LRP1B: variants seen among roughly 807,000 people sequenced by gnomAD.
LRP1B encodes the protein low-density lipoprotein receptor-related protein 1B.
A neutral mutation model predicts 556.6 loss-of-function variants in LRP1B; 217 were observed. That is an observed-to-expected ratio of 0.39 (90% CI 0.35 to 0.44). The LOEUF is 0.44. LRP1B is among the 20% of genes least tolerant of loss of function. The pLI, the probability that LRP1B is intolerant of heterozygous loss-of-function variation, is 1.00. For missense variants in LRP1B, 5,053 were observed against 5,620.8 expected (o/e 0.90, Z 3.23); for synonymous variants, 2,047 against 1,865.8 (o/e 1.10, Z -2.50).
At chr2:140,398,578 G>C (rs2105223504) in intron 66 of LRP1B, among the ~76,000 whole-genome samples, 1 of 152,118 alleles carries the variant, frequency 6.6e-6, no homozygotes, top group African/African-American at 2.4e-5. Context: ...CCAGGCTGGA[G>C]TGCAATGGCA....
intron 2 of LRP1B, among the ~76,000 whole-genome samples, chr2:141,544,308 T>G (rs188902662): frequency 0.012 from 116 of 9,674 alleles, no homozygotes; most frequent in African/African-American, 0.062. Context: ...CTTCTTCTTC[T>G]TCTTCTTCTT....
intron 16 of LRP1B, among the ~76,000 whole-genome samples, chr2:140,990,524 C>T (rs1697060513): frequency 6.6e-6 from 1 of 151,496 alleles, no homozygotes; most frequent in Non-Finnish European, 1.5e-5. Context: ...CACTTGTGAC[C>T]TAGAGTTGAT....
At chr2:140,895,324 C>T (rs1174575384) in intron 23 of LRP1B, among the ~76,000 whole-genome samples, 2 of 152,204 alleles carry the variant, frequency 1.3e-5, no homozygotes, top group African/African-American at 4.8e-5. Context: ...AGTGGGCTGC[C>T]GAACAAACAG....
chr2:140,322,586 G>GA (rs915023343), intron 81 of LRP1B, among the ~76,000 whole-genome samples: 1 of 151,994 alleles, frequency 6.6e-6, no homozygotes, highest in African/African-American at 2.4e-5. Flanking sequence ...AGGTATAAAT[G>GA]AAAAATACGA....
chr2:141,463,638 AT>A (rs1682033806), intron 3 of LRP1B, among the ~76,000 whole-genome samples: 2 of 120,188 alleles, frequency 1.7e-5, no homozygotes, highest in African/African-American at 6.3e-5. Context: ...ATTATTATAT[AT>A]TATATATTAT....
At chr2:141,545,864 A>G (rs1457305926) in intron 2 of LRP1B, among the ~76,000 whole-genome samples, 1 of 152,126 alleles carries the variant, frequency 6.6e-6, no homozygotes, top group East Asian at 1.9e-4. Flanking sequence ...TTTCCCCCAC[A>G]TATTCCATAA....
intron 2 of LRP1B, among the ~76,000 whole-genome samples, chr2:141,738,871 G>A (rs1693591105): frequency 6.6e-6 from 1 of 152,110 alleles, no homozygotes; most frequent in Middle Eastern, 3.4e-3. Context: ...AAAAAAGCAA[G>A]AATAAAATAT....
intron 11 of LRP1B, among the ~76,000 whole-genome samples, chr2:141,033,890 A>T (rs1317094140): frequency 6.6e-6 from 1 of 152,098 alleles, no homozygotes; most frequent in Non-Finnish European, 1.5e-5. Context: ...TGTGTTCTTG[A>T]AGCTTTATTT....
intron 84 of LRP1B, among the ~76,000 whole-genome samples, chr2:140,285,743 TAATC>T (rs959400628): frequency 1.3e-5 from 2 of 151,780 alleles, no homozygotes; most frequent in Non-Finnish European, 2.9e-5. Context: ...TCACTGTAAT[TAATC>T]AATAAAATAC....
intron 2 of LRP1B, among the ~76,000 whole-genome samples, chr2:141,716,667 AAAAT>A (rs1252169693): frequency 2.6e-5 from 4 of 152,210 alleles, no homozygotes; most frequent in Admixed American, 6.6e-5. Flanking sequence ...AAAAGCTAAA[AAAAT>A]AAATAAATCT....
chr2:140,922,798 C>G (rs917209981), intron 21 of LRP1B, among the ~76,000 whole-genome samples, 167 bp downstream of exon 21: 1 of 152,088 alleles, frequency 6.6e-6, no homozygotes, highest in African/African-American at 2.4e-5. Context: ...ATTATGCTAG[C>G]CCCATTGATA....
At chr2:142,004,916 G>C (rs1702756697) in intron 1 of LRP1B, among the ~76,000 whole-genome samples, 1 of 151,528 alleles carries the variant, frequency 6.6e-6, no homozygotes, top group South Asian at 2.1e-4. Flanking sequence ...CCTACCTACA[G>C]CTAATTGTAC....
intron 3 of LRP1B, among the ~76,000 whole-genome samples, chr2:141,334,567 T>A (rs1176843708): frequency 6.6e-6 from 1 of 152,162 alleles, no homozygotes; most frequent in Admixed American, 6.5e-5. Flanking sequence ...GAAACAGTGA[T>A]ATAGTCCAGA....
chr2:141,427,948 TA>T (rs1680429109), intron 3 of LRP1B, among the ~76,000 whole-genome samples: 1 of 152,196 alleles, frequency 6.6e-6, no homozygotes, highest in Non-Finnish European at 1.5e-5. Flanking sequence ...TTTATAAATC[TA>T]AGAGTACTTT....
intron 52 of LRP1B, among the ~76,000 whole-genome samples, chr2:140,507,627 A>G (rs1376947180): frequency 1.3e-5 from 2 of 152,204 alleles, no homozygotes; most frequent in Non-Finnish European, 2.9e-5. Context: ...TCAAAAGAAC[A>G]TAACTAGTGC....
chr2:141,628,696 T>G (rs1688793288), intron 2 of LRP1B, among the ~76,000 whole-genome samples: 1 of 152,100 alleles, frequency 6.6e-6, no homozygotes, highest in South Asian at 2.1e-4. Flanking sequence ...TCACCCAGGC[T>G]GGAGTACAGT....
At chr2:141,699,148 A>G (rs1256673099) in intron 2 of LRP1B, among the ~76,000 whole-genome samples, 2 of 151,684 alleles carry the variant, frequency 1.3e-5, no homozygotes, top group African/African-American at 2.4e-5. Context: ...AATTTAAAAA[A>G]CCCAATATTT....
intron 7 of LRP1B, among the ~76,000 whole-genome samples, chr2:141,185,475 AAAGG>A (rs1200632120): frequency 6.6e-6 from 1 of 152,026 alleles, no homozygotes; most frequent in Non-Finnish European, 1.5e-5. Flanking sequence ...AAAACTTTTG[AAAGG>A]AAGAAGAAAA....
At chr2:141,077,039 G>A (rs963195324) in intron 7 of LRP1B, among the ~76,000 whole-genome samples, 5 of 152,174 alleles carry the variant, frequency 3.3e-5, no homozygotes, top group African/African-American at 9.7e-5. Context: ...GAGGCCAGGA[G>A]TTCGAGACCA....
Sources: gnomAD v4.1 joint callset for allele counts (sites outside exome capture counted in the v4.1 genomes callset) on GRCh38, gnomAD v4.1.1 for gene constraint, MANE v1.5 for transcripts, NCBI Gene and HGNC (gene_info 2026-07-23, HGNC 2026-07-21) for gene names.